The following HAO1 variants were observed in gnomAD, a reference collection of about 807,000 sequenced individuals.
HAO1 encodes the protein 2-Hydroxyacid oxidase 1.
HAO1 carries 34 observed loss-of-function variants against 39.7 expected under a neutral mutation model. That is an observed-to-expected ratio of 0.86 (90% CI 0.65 to 1.14). The LOEUF is 1.14. Among genes scored for constraint, HAO1 ranks in the 50% most tolerant of loss-of-function variants. The pLI, the probability that HAO1 is intolerant of heterozygous loss-of-function variation, is 0.00. For synonymous variants in HAO1, 172 were observed against 173.2 expected (o/e 0.99, Z 0.05); for missense variants, 479 against 464.5 (o/e 1.03, Z -0.29).
intron 2 of HAO1, among the ~76,000 whole-genome samples, chr20:7,933,670 T>C (rs2050396691): frequency 6.6e-6 from 1 of 152,226 alleles, no homozygotes; most frequent in Non-Finnish European, 1.5e-5. Flanking sequence ...TGTTTTAAAA[T>C]ATTATATAGT....
chr20:7,911,801 T>C (rs533450099), intron 3 of HAO1, among the ~76,000 whole-genome samples: 1 of 152,350 alleles, frequency 6.6e-6, no homozygotes, highest in East Asian at 1.9e-4. Flanking sequence ...ACTTCACTTA[T>C]GAAAAGCCAG....
chr20:7,885,381 T>C, intron 7 of HAO1, 140 bp downstream of exon 7: 4 of 645,358 alleles, frequency 6.2e-6, no homozygotes, highest in Non-Finnish European at 1.1e-5. Flanking sequence ...TCCTCAAAGC[T>C]GTAAATATGG....
intron 2 of HAO1, among the ~76,000 whole-genome samples, chr20:7,914,649 T>C (rs954505489): frequency 6.6e-6 from 1 of 152,216 alleles, no homozygotes; most frequent in South Asian, 2.1e-4. Context: ...TTTCCAATGA[T>C]TAGAAATATA....
rs543435540 is a variant in HAO1, at chr20:7,936,000, C to G, written c.138-1365G>C. Among the ~76,000 whole-genome samples the G allele has an allele frequency of 2.1e-3, 318 of 151,724 alleles. 1 individual carries two copies. Among genetic ancestry groups the G allele is most frequent in the African/African-American group, 7.6e-3 (313 of 41,380 alleles). ...GAAGTATGATATAGTAATGCAGTAA[C>G]TTAAAGAAAAAAAAAGAAGAAAAAG... On this transcript the variant is annotated intron_variant, in intron 1 of 7. Transcript: ENST00000378789.
In HAO1 at chr20:7,940,307, T is replaced by C; in HGVS notation, c.116A>G (p.Asp39Gly). The change falls in exon 1 of 8, where the codon GAT (aspartate) becomes GGT (glycine). Residue 39 changes from aspartate to glycine, a missense_variant. By Grantham distance (94) the Asp-to-Gly change is moderately conservative (BLOSUM62 -1). Coordinates refer to ENST00000378789, the MANE Select transcript of HAO1 (RefSeq NM_017545.3). ...TTACCTGGAAAATGCTGCAATATTA[T>C]CAGCCAAAGTTTCTTCATCATTTGC... ...SGANDEETLADNIAAFSRWKL... is the reference protein window; with the variant it reads ...SGANDEETLAGNIAAFSRWKL... 1.2e-6 allele frequency: 2 copies of C among 1,605,294 alleles called. No individual in the cohort carries two copies. The highest frequency in any genetic ancestry group is 2.2e-5 in the South Asian group (2 of 88,898).
In HAO1 at chr20:7,885,698, C is replaced by G. The variant is rs2050147722; in HGVS notation, c.972+8G>C. 1.9e-6 allele frequency: 3 copies of G among 1,608,336 alleles called. No individual in the cohort carries two copies. Among genetic ancestry groups the G allele is most frequent in the African/African-American group, 1.3e-5 (1 of 74,704 alleles). On this transcript the variant is annotated splice_region_variant and intron_variant, in intron 6 of 7. Transcript: ENST00000378789. ...CTATTTTATATATTCATTTCTTTGT[C>G]CAGTTACCTGGAAAGCTAAGCCCCA...
At chr20:7,896,448 A>T (rs895547846) in intron 4 of HAO1, among the ~76,000 whole-genome samples, 1 of 152,202 alleles carries the variant, frequency 6.6e-6, no homozygotes, top group African/African-American at 2.4e-5. Context: ...TTAAAAGACA[A>T]GATAATTATT....
intron 4 of HAO1, among the ~76,000 whole-genome samples, chr20:7,899,192 G>T (rs73895424): frequency 1.3e-5 from 2 of 151,924 alleles, no homozygotes; most frequent in African/African-American, 4.8e-5. Flanking sequence ...CTCGCTTGCT[G>T]TGTAAGTGGC....
At chr20:7,902,511 T>C (rs2050225388) in intron 4 of HAO1, among the ~76,000 whole-genome samples, 1 of 152,300 alleles carries the variant, frequency 6.6e-6, no homozygotes, top group South Asian at 2.1e-4. Flanking sequence ...TTGCACAAAA[T>C]AGACTACAGT....
chr20:7,924,194 GTGTTGTTGT>G lies in HAO1; in HGVS notation c.290-9784_290-9776del, dbSNP rs3835201. ...ATTTTGGTTTGGTTTAGTTTGGGTT[GTGTTGTTGT>G]TGTTGTTGTTGTTGTTGTTGTTGTT... On this transcript the variant is annotated intron_variant, in intron 2 of 7. Transcript: ENST00000378789. Among the ~76,000 whole-genome samples the G allele has an allele frequency of 1.9e-4, 29 of 148,726 alleles. No homozygotes were observed. The East Asian group carries it at 2.0e-3, about 10-fold the overall frequency.
intron 4 of HAO1, among the ~76,000 whole-genome samples, chr20:7,905,315 T>C (rs1369276306): frequency 6.6e-6 from 1 of 152,216 alleles, no homozygotes; most frequent in African/African-American, 2.4e-5. Flanking sequence ...TAGGTAGACC[T>C]TTATAAATAG....
At chr20:7,903,758 T>C (rs2050233573) in intron 4 of HAO1, among the ~76,000 whole-genome samples, 1 of 150,248 alleles carries the variant, frequency 6.7e-6, no homozygotes, top group Non-Finnish European at 1.5e-5. Flanking sequence ...ATGGTGGTAA[T>C]GGGAGTGGTG....
intron 5 of HAO1, among the ~76,000 whole-genome samples, chr20:7,892,580 T>C (rs578205337): frequency 6.6e-6 from 1 of 152,184 alleles, no homozygotes; most frequent in Middle Eastern, 3.2e-3. Context: ...GGCTAAAGTA[T>C]TTGTTCTACT....
chr20:7,904,419 TAAA>T (rs1425792158), intron 4 of HAO1, among the ~76,000 whole-genome samples: 4 of 152,272 alleles, frequency 2.6e-5, no homozygotes, highest in African/African-American at 7.2e-5. Context: ...TCAGCCACTT[TAAA>T]GTCTAAATTC....
At chr20:7,924,917 G>A (rs565628010) in intron 2 of HAO1, among the ~76,000 whole-genome samples, 8 of 152,236 alleles carry the variant, frequency 5.3e-5, no homozygotes, top group East Asian at 1.9e-4. Flanking sequence ...AAGTCATTAC[G>A]TAATGGGGAA....
At chr20:7,929,925 A>G (rs938036848) in intron 2 of HAO1, among the ~76,000 whole-genome samples, 2 of 152,160 alleles carry the variant, frequency 1.3e-5, no homozygotes, top group African/African-American at 4.8e-5. Context: ...TTATTATTCC[A>G]CAGTTGTGAG....
chr20:7,908,076 A>T (rs2050256874), intron 3 of HAO1, among the ~76,000 whole-genome samples: 1 of 152,158 alleles, frequency 6.6e-6, no homozygotes, highest in Non-Finnish European at 1.5e-5. Flanking sequence ...AATGTAGAGA[A>T]GATCATGGAG....
chr20:7,939,068 A>G (rs1325065706), intron 1 of HAO1, among the ~76,000 whole-genome samples: 1 of 151,784 alleles, frequency 6.6e-6, no homozygotes, highest in Non-Finnish European at 1.5e-5. Flanking sequence ...CAAAGTTAAT[A>G]TCGGCCCAAG....
chr20:7,903,706 G>T lies in HAO1; in HGVS notation c.721+2448C>A, dbSNP rs554476408. On this transcript the variant is annotated intron_variant, in intron 4 of 7. Coordinates refer to ENST00000378789, the MANE Select transcript of HAO1 (RefSeq NM_017545.3). ...GTTCCTGGTAATGGTGGTGTTGATG[G>T]AGGTTGTGGCTATGGTGGTAGTTGT... Among the ~76,000 whole-genome samples, 39 of 150,668 alleles carry T rather than the reference G, an allele frequency of 2.6e-4. No individual in the cohort carries two copies. In the East Asian group the frequency reaches 4.7e-3, roughly 18 times the overall value.
Sources: gnomAD v4.1 joint callset for allele counts (sites outside exome capture counted in the v4.1 genomes callset) on GRCh38, gnomAD v4.1.1 for gene constraint, MANE v1.5 for transcripts, NCBI Gene and HGNC (gene_info 2026-07-23, HGNC 2026-07-21) for gene names.